Variants in SLC5A10 observed in about 807,000 individuals in gnomAD.
The protein encoded by SLC5A10 is sodium/mannose cotransporter SLC5A10.
A neutral mutation model predicts 68.9 loss-of-function variants in SLC5A10; 55 were observed. The ratio of observed to expected loss-of-function variants is 0.80; its 90% CI spans 0.64 to 1.00. The LOEUF is 1.00. Ranked by LOEUF, SLC5A10 falls within the 50% of genes least tolerant of loss-of-function variation. The pLI, the probability that SLC5A10 is intolerant of heterozygous loss-of-function variation, is 0.00. For missense variants in SLC5A10, 732 were observed against 819.3 expected (o/e 0.89, Z 1.30); for synonymous variants, 344 against 344.8 (o/e 1.00, Z 0.02).
chr17:19,010,444 G>C (rs1296575883), intron 9 of SLC5A10, among the ~76,000 whole-genome samples: 4 of 152,228 alleles, frequency 2.6e-5, no homozygotes, highest in African/African-American at 7.2e-5. Flanking sequence ...ACTGCCCCCA[G>C]CTCTGCCTCC....
intron 11 of SLC5A10, 152 bp downstream of exon 11, chr17:19,015,351 A>G: frequency 1.7e-6 from 1 of 590,894 alleles, no homozygotes; most frequent in Non-Finnish European, 3.0e-6. Flanking sequence ...CATCCATACC[A>G]CCTCTCACAT....
rs746504231 is a variant in SLC5A10 at position 19,021,975 on chromosome 17, T to C, written c.*1544T>C. On this transcript the variant is annotated 3_prime_UTR_variant, in exon 15 of 15. Transcript: ENST00000395645. This position sits in a 1 kb window ranked among gnomAD's most constrained non-coding sequence, Gnocchi z 4.1. ...CCGGGCTGCTCACAGGTGCACGGGCTGCACGTAACTCCGTGGGAAGAAGCC... is the reference window on the plus strand; with the variant it reads ...CCGGGCTGCTCACAGGTGCACGGGCCGCACGTAACTCCGTGGGAAGAAGCC... The C allele has an allele frequency of 3.6e-5, 56 of 1,568,318 alleles. No homozygotes were observed. Among genetic ancestry groups the C allele is most frequent in the Non-Finnish European group, 4.6e-5 (53 of 1,158,750 alleles).
intron 14 of SLC5A10, 26 bp from the exon 15 acceptor site, chr17:19,020,299 C>G (rs1284942437): frequency 6.2e-7 from 1 of 1,613,616 alleles, no homozygotes; most frequent in Non-Finnish European, 8.5e-7. Context: ...CTTCATCTGT[C>G]CCTCTCCTTC....
chr17:18,993,066 C>T (rs920630266), intron 9 of SLC5A10, among the ~76,000 whole-genome samples: 4 of 152,174 alleles, frequency 2.6e-5, no homozygotes, highest in Admixed American at 1.3e-4. Context: ...AGGGGTGGGG[C>T]GAGACGGGCT....
Position 18,968,860 on chromosome 17 carries a change from G to A in SLC5A10, c.454-192G>A. On this transcript the variant is annotated intron_variant, in intron 5 of 14. Transcript: ENST00000395645. The surrounding 1 kb of genome is among the most constrained non-coding windows in gnomAD (Gnocchi z 4.1). The stretch of plus-strand genomic sequence containing the variant: ...TGTCCCCTGACATCCGCACAAGCTT[G>A]TAGCTCCACGGCCAGGTCTTCCCCC... 1 of 590,538 alleles carries A rather than the reference G, an allele frequency of 1.7e-6. No individual in the cohort carries two copies. Among genetic ancestry groups the A allele is most frequent in the Non-Finnish European group, 3.0e-6 (1 of 333,914 alleles). The allele number at this position is 590,538 out of a possible 1,614,324, so 36.6% of individuals were successfully genotyped here.
Position 19,013,424 on chromosome 17 carries a change from G to C in SLC5A10, c.997G>C (p.Val333Leu), listed in dbSNP as rs540644144. ...CTCTCGAACAGATGATGTGGGCTGC[G>C]TGGTGCCGTCCGAGTGCCTGCGGGC... ...RALFPDDVGCVVPSECLRACG... is the reference protein window; with the variant it reads ...RALFPDDVGCLVPSECLRACG... Residue 333 changes from valine (V) to leucine (L), a missense_variant, in exon 10 of 15, where the codon GTG (valine) becomes CTG (leucine). Coordinates refer to ENST00000395645, the MANE Select transcript of SLC5A10 (RefSeq NM_001042450.4). The C allele has an allele frequency of 1.9e-6, 3 of 1,606,912 alleles. No individual in the cohort carries two copies. The highest frequency in any genetic ancestry group is 3.4e-5 in the Admixed American group (2 of 59,306).
At chr17:19,014,589 C>T (rs894539090) in intron 10 of SLC5A10, among the ~76,000 whole-genome samples, 5 of 152,212 alleles carry the variant, frequency 3.3e-5, no homozygotes, top group African/African-American at 9.7e-5. Flanking sequence ...CCAACCCCAC[C>T]GCACCCCAAA....
chr17:18,952,609 AT>A (rs2042391976), intron 1 of SLC5A10: 1 of 278,338 alleles, frequency 3.6e-6, no homozygotes, highest in Non-Finnish European at 6.8e-6. Flanking sequence ...GGTGTGGCCC[AT>A]CAGCCTCCTG....
At chr17:19,005,646 A>ATC (rs1301709342) in intron 9 of SLC5A10, among the ~76,000 whole-genome samples, 1 of 143,180 alleles carries the variant, frequency 7.0e-6, no homozygotes, top group East Asian at 2.7e-4. Context: ...TGTGCCCTCA[A>ATC]ACCCCCCCCC....
At chr17:19,001,227 T>C (rs1031753196) in intron 9 of SLC5A10, among the ~76,000 whole-genome samples, 1 of 152,226 alleles carries the variant, frequency 6.6e-6, no homozygotes, top group Non-Finnish European at 1.5e-5. Flanking sequence ...CCAGGACAGA[T>C]GTGGCAGGGA....
chr17:18,957,563 G>A (rs1467810991), intron 1 of SLC5A10, among the ~76,000 whole-genome samples: 3 of 152,056 alleles, frequency 2.0e-5, no homozygotes, highest in Non-Finnish European at 4.4e-5. Flanking sequence ...CCACCTCCCG[G>A]GTTCAAGCAA....
chr17:18,961,625 G>A (rs148426749), intron 5 of SLC5A10, among the ~76,000 whole-genome samples: 57 of 152,320 alleles, frequency 3.7e-4, no homozygotes, highest in African/African-American at 1.2e-3. Context: ...CAGAAGAGGC[G>A]TCGATTTAGT....
chr17:18,978,707 T>G, intron 9 of SLC5A10: 1 of 1,612,952 alleles, frequency 6.2e-7, no homozygotes, highest in Non-Finnish European at 8.5e-7. Context: ...CGGCTCCGGT[T>G]CCTTCTCCAT....
At chr17:19,010,391 T>G (rs1410553182) in intron 9 of SLC5A10, among the ~76,000 whole-genome samples, 1 of 152,084 alleles carries the variant, frequency 6.6e-6, no homozygotes, top group East Asian at 1.9e-4. Context: ...CAGAAGCCAG[T>G]ACCCTGGCAA....
intron 4 of SLC5A10, among the ~76,000 whole-genome samples, chr17:18,959,987 T>TGCACACCTGGCCC (rs537346155): frequency 7.8e-4 from 119 of 152,222 alleles, no homozygotes; most frequent in African/African-American, 2.7e-3. Context: ...GCACCTGGTT[T>TGCACACCTGGCCC]GCACACCTGG....
chr17:18,963,924 C>T (rs2042660383), intron 5 of SLC5A10, among the ~76,000 whole-genome samples: 1 of 152,240 alleles, frequency 6.6e-6, no homozygotes. Context: ...TGACCTCACC[C>T]CTCCCTCGCC....
chr17:19,006,592 G>A (rs1367347979), intron 9 of SLC5A10, among the ~76,000 whole-genome samples: 3 of 151,888 alleles, frequency 2.0e-5, no homozygotes, highest in African/African-American at 7.3e-5. Flanking sequence ...ACCTTATTAT[G>A]TGTATAGATT....
intron 9 of SLC5A10, among the ~76,000 whole-genome samples, chr17:18,993,641 T>C (rs1830280385): frequency 6.6e-6 from 1 of 152,174 alleles, no homozygotes; most frequent in African/African-American, 2.4e-5. Context: ...CTGCACACAC[T>C]GCAGACAAGT....
At position 19,020,726 on chromosome 17, in the gene SLC5A10, G is replaced by T. The variant is rs1384541808; in HGVS notation, c.*295G>T. The T allele has an allele frequency of 4.8e-6, 2 of 418,750 alleles. No individual in the cohort carries two copies. Among genetic ancestry groups the T allele is most frequent in the Non-Finnish European group, 8.9e-6 (2 of 224,246 alleles). 25.9% of individuals were successfully genotyped at this position (418,750 alleles called of 1,614,324 possible). On this transcript the variant is annotated 3_prime_UTR_variant, in exon 15 of 15. Transcript: ENST00000395645. ...TACTGTTTTCGTTTTGAATACACAGGCTGGGTCAGGAGCAGTGAGATTTGC... is the reference window on the plus strand; with the variant it reads ...TACTGTTTTCGTTTTGAATACACAGTCTGGGTCAGGAGCAGTGAGATTTGC...
Sources: gnomAD v4.1 joint callset for allele counts (sites outside exome capture counted in the v4.1 genomes callset) on GRCh38, gnomAD v4.1.1 for gene constraint, Gnocchi (gnomAD v3.1) non-coding constraint, MANE v1.5 for transcripts, NCBI Gene and HGNC (gene_info 2026-07-23, HGNC 2026-07-21) for gene names.